Variants in CEP192 observed in about 807,000 individuals in gnomAD.
The protein encoded by CEP192 is centrosomal protein 192, also known as centrosomal protein of 192 kDa.
In CEP192, 151 loss-of-function variants were observed where a neutral mutation model predicts 271.8. The observed-to-expected ratio is 0.56, with a 90% confidence interval of 0.49 to 0.64. The LOEUF is 0.64. Among genes scored for constraint, CEP192 ranks in the 30% least tolerant of loss-of-function variants. The pLI is 0.00. For synonymous variants in CEP192, 995 were observed against 1,076.5 expected (o/e 0.92, Z 1.48); for missense variants, 2,910 against 3,020.5 (o/e 0.96, Z 0.86).
At chr18:13,099,696 C>T (rs2039617128) in intron 37 of CEP192, 115 bp downstream of exon 37, 1 of 579,494 alleles carries the variant, frequency 1.7e-6, no homozygotes, top group Non-Finnish European at 3.0e-6. Context: ...GTACTTGACC[C>T]TTCATATTTG....
At chr18:13,088,186 T>A (rs944082755) in intron 32 of CEP192, among the ~76,000 whole-genome samples, 6 of 152,230 alleles carry the variant, frequency 3.9e-5, no homozygotes, top group African/African-American at 1.4e-4. Context: ...GCGGGCTGTG[T>A]GGCTCATGCC....
chr18:13,081,019 G>A lies in CEP192; in HGVS notation c.5617-5998G>A, dbSNP rs879662188. ...GATCATGGTGGATAAGCTTTTTGAT[G>A]TGCTGCTGGATTTGGTTTGCCAGTA... On this transcript the variant is annotated intron_variant, in intron 30 of 44. Transcript: ENST00000506447. Among the ~76,000 whole-genome samples the A allele has an allele frequency of 5.3e-5, 8 of 152,188 alleles. No individual in the cohort carries two copies. The South Asian group carries it at 6.2e-4, about 12-fold the overall frequency.
Position 13,049,684 on chromosome 18 carries a change from A to G in CEP192, c.2890+3A>G. 1.2e-6 allele frequency: 2 copies of G among 1,606,786 alleles called. No individual in the cohort carries two copies. Among genetic ancestry groups the G allele is most frequent in the Non-Finnish European group, 1.7e-6 (2 of 1,175,976 alleles). On this transcript the variant is annotated splice_donor_region_variant and intron_variant, in intron 16 of 44. Transcript: ENST00000506447. ...CATAGTCTCACCTAAAAATAGTGGT[A>G]AGTGTCTGAGTCGTTGGTCACATTC...
At chr18:13,104,837 A>G (rs2039877349) in intron 39 of CEP192, 147 bp from the exon 40 acceptor site, 1 of 640,952 alleles carries the variant, frequency 1.6e-6, no homozygotes, top group East Asian at 2.7e-5. Context: ...GTCAGGTAGC[A>G]CTCCCATTTT....
chr18:13,068,714 C>G (rs1004833534), intron 24 of CEP192, 138 bp from the exon 25 acceptor site: 1 of 795,748 alleles, frequency 1.3e-6, no homozygotes, highest in Non-Finnish European at 2.0e-6. Flanking sequence ...TCACTCATTT[C>G]TATTCTTTTA....
intron 11 of CEP192, among the ~76,000 whole-genome samples, chr18:13,035,884 C>T (rs570155348): frequency 9.9e-5 from 15 of 152,248 alleles, no homozygotes; most frequent in Non-Finnish European, 2.1e-4. Context: ...TTGGCTTATG[C>T]CTGTAATCCT....
chr18:13,079,854 T>TA (rs1364920152), intron 30 of CEP192, among the ~76,000 whole-genome samples: 1 of 152,220 alleles, frequency 6.6e-6, no homozygotes, highest in Non-Finnish European at 1.5e-5. Flanking sequence ...TTTCTACATA[T>TA]GGCTAGCCAG....
intron 21 of CEP192, among the ~76,000 whole-genome samples, chr18:13,064,270 A>G (rs1389052913): frequency 6.6e-6 from 1 of 151,994 alleles, no homozygotes; most frequent in African/African-American, 2.4e-5. Flanking sequence ...CATTTATTCA[A>G]GGGACAGTCT....
At position 13,056,278 on chromosome 18, in the gene CEP192, A is replaced by G; in HGVS notation, c.3688A>G (p.Ser1230Gly). 6.2e-7 allele frequency: 1 copy of G among 1,613,996 alleles called. No homozygotes were observed. The highest frequency in any genetic ancestry group is 1.7e-5 in the Admixed American group (1 of 60,024). ...TSENQCTPIP[S>G]STVHSSVADM... is the part of the protein sequence containing the mutation. Reference sequence around the variant, plus strand: ...TGAAAACCAGTGTACTCCTATTCCCAGCAGCACAGTTCACAGCTCTGTGGC... The same window carrying G: ...TGAAAACCAGTGTACTCCTATTCCCGGCAGCACAGTTCACAGCTCTGTGGC... The change falls in exon 19 of 45, where the codon AGC becomes GGC. Residue 1230 changes from serine to glycine, a missense_variant. Physicochemically the swap from Ser to Gly is moderately conservative, Grantham distance 56 (BLOSUM62 0). Transcript: ENST00000506447.
At chr18:13,025,816 C>T (rs1054270701) in intron 9 of CEP192, among the ~76,000 whole-genome samples, 3 of 152,092 alleles carry the variant, frequency 2.0e-5, no homozygotes, top group Admixed American at 6.5e-5. Flanking sequence ...TAGACACACA[C>T]CCTCACCTAT....
chr18:12,996,056 C>T (rs1232804838), intron 1 of CEP192, among the ~76,000 whole-genome samples: 1 of 152,106 alleles, frequency 6.6e-6, no homozygotes, highest in African/African-American at 2.4e-5. Flanking sequence ...AGGGTTTGAG[C>T]TAAGGAGTGA....
At chr18:13,082,190 A>G (rs1044625344) in intron 30 of CEP192, among the ~76,000 whole-genome samples, 1 of 152,110 alleles carries the variant, frequency 6.6e-6, no homozygotes, top group African/African-American at 2.4e-5. Context: ...GATGTGTCTA[A>G]TATTGACAGT....
At chr18:13,049,949 G>GAA (rs11441028) in intron 17 of CEP192, 58 bp downstream of exon 17, 30 of 1,339,428 alleles carry the variant, frequency 2.2e-5, no homozygotes, top group Middle Eastern at 1.9e-4. Context: ...TAGGAACTGG[G>GAA]AAAAAAATGT....
At chr18:13,078,742 G>A (rs1034967001) in intron 30 of CEP192, among the ~76,000 whole-genome samples, 21 of 152,114 alleles carry the variant, frequency 1.4e-4, no homozygotes, top group Non-Finnish European at 2.8e-4. Flanking sequence ...CCATTAACTC[G>A]TCATTTACGT....
rs2144693975 is a variant in CEP192 at position 13,087,203 on chromosome 18, A to C, written c.5803A>C (p.Lys1935Gln). The C allele has an allele frequency of 2.5e-6, 4 of 1,613,812 alleles. No individual in the cohort carries two copies. In the African/African-American group the frequency reaches 4.0e-5, roughly 16 times the overall value. The change falls in exon 31 of 45, where the codon AAA becomes CAA. Residue 1935 changes from lysine to glutamine, a missense_variant. Coordinates refer to ENST00000506447, the MANE Select transcript of CEP192 (RefSeq NM_032142.4). ...AGCAGTAGGTTTTAAGGATTCTCAG[A>C]AAAAAGTTTTGCTGGATCCTAAAGT... ...VKAVGFKDSQ[K>Q]KVLLDPKVLR...
Position 13,107,883 on chromosome 18 carries a change from CAAA to C in CEP192, c.7047+2818_7047+2820del, listed in dbSNP as rs58195253. ...CGATTAGAAATAAAGATAGTATCTC[CAAA>C]AAAAAAAAAAAAATACTATAAGGCT... On this transcript the variant is annotated intron_variant, in intron 40 of 44. Coordinates refer to ENST00000506447, the MANE Select transcript of CEP192 (RefSeq NM_032142.4). 6.0e-3 allele frequency among the ~76,000 whole-genome samples: 779 copies of C among 130,908 alleles called. 3 individuals are homozygous for C. Among genetic ancestry groups the C allele is most frequent in the Non-Finnish European group, 9.3e-3 (559 of 60,402 alleles). The allele number at this position is 130,908 out of a possible 152,430, so 85.9% of individuals were successfully genotyped here.
chr18:13,080,145 TTAAAG>T (rs1415519979), intron 30 of CEP192, among the ~76,000 whole-genome samples: 2 of 152,200 alleles, frequency 1.3e-5, no homozygotes, highest in African/African-American at 4.8e-5. Context: ...CATATGAACT[TTAAAG>T]TAGTTTTTTC....
chr18:13,065,151 G>C (rs1004398301), intron 21 of CEP192, among the ~76,000 whole-genome samples: 2 of 149,984 alleles, frequency 1.3e-5, no homozygotes, highest in Admixed American at 1.3e-4. Flanking sequence ...TTTACTGAAA[G>C]TTTTTTAATC....
Position 13,089,494 on chromosome 18 carries a change from T to G in CEP192, c.6032T>G (p.Leu2011Arg). The change falls in exon 33 of 45, where the codon CTT (leucine) becomes CGT (arginine). Residue 2011 changes from leucine to arginine, a missense_variant. Leu to Arg is a moderately radical substitution (Grantham distance 102). Coordinates refer to ENST00000506447, the MANE Select transcript of CEP192 (RefSeq NM_032142.4). ...LHKPEMIKQI[L>R]PEHSVLQNIN... ...AAACCAGAGATGATAAAACAGATAC[T>G]TCCAGAACATAGTGTGCTTCAAAAC... The G allele has an allele frequency of 6.2e-7, 1 of 1,606,806 alleles. No homozygotes were observed. Among genetic ancestry groups the G allele is most frequent in the Non-Finnish European group, 8.5e-7 (1 of 1,175,872 alleles).
Sources: gnomAD v4.1 joint callset for allele counts (sites outside exome capture counted in the v4.1 genomes callset) on GRCh38, gnomAD v4.1.1 for gene constraint, MANE v1.5 for transcripts, NCBI Gene and HGNC (gene_info 2026-07-23, HGNC 2026-07-21) for gene names.